The following DSCAM variants were observed in gnomAD, a reference collection of about 807,000 sequenced individuals.
DSCAM encodes DS cell adhesion molecule, also known as cell adhesion molecule DSCAM.
Under a neutral mutation model 217.7 loss-of-function variants are expected in DSCAM, and 47 were observed. The ratio of observed to expected loss-of-function variants is 0.22; its 90% CI spans 0.17 to 0.28. DSCAM has a LOEUF of 0.28. DSCAM is among the 10% of genes least tolerant of loss of function. DSCAM has a pLI of 1.00. For missense variants in DSCAM, 2,080 were observed against 2,618.3 expected (o/e 0.79, Z 4.49); for synonymous variants, 1,056 against 1,015.3 (o/e 1.04, Z -0.76).
At chr21:40,702,094 T>C (rs957801478) in intron 2 of DSCAM, among the ~76,000 whole-genome samples, 7 of 152,202 alleles carry the variant, frequency 4.6e-5, no homozygotes, top group African/African-American at 1.4e-4. Flanking sequence ...TTTTACTTTA[T>C]GTATTTTGAA....
At chr21:40,591,197 T>A (rs994071643) in intron 3 of DSCAM, among the ~76,000 whole-genome samples, 2 of 152,238 alleles carry the variant, frequency 1.3e-5, no homozygotes, top group Non-Finnish European at 2.9e-5. Flanking sequence ...CCTTCCATCA[T>A]GATTGTAAGT....
chr21:40,777,857 G>A (rs2091502453), intron 1 of DSCAM, among the ~76,000 whole-genome samples: 1 of 151,996 alleles, frequency 6.6e-6, no homozygotes, highest in African/African-American at 2.4e-5. Flanking sequence ...CAAAATTACA[G>A]AACATCAAAA....
intron 4 of DSCAM, among the ~76,000 whole-genome samples, chr21:40,363,979 T>C (rs9753960): frequency 0.012 from 1,880 of 152,238 alleles, 41 homozygotes; most frequent in African/African-American, 0.043. Context: ...CACAATGAGA[T>C]ACCATCTTAC....
At chr21:40,366,185 C>G (rs895732155) in intron 4 of DSCAM, among the ~76,000 whole-genome samples, 1 of 152,042 alleles carries the variant, frequency 6.6e-6, no homozygotes, top group Non-Finnish European at 1.5e-5. Flanking sequence ...ATTATGCATT[C>G]TTTTTAATGA....
In DSCAM at chr21:40,349,136, C is replaced by CAAAAAAAAAAAAAAAAAAAAAAAAA. The variant is rs758386936; in HGVS notation, c.935-1192_935-1191insTTTTTTTTTTTTTTTTTTTTTTTTT. Reference sequence around the variant, plus strand: ...TGGGGGACAGAGTGAGACTCCATCTCAAAAAAAAAAAAAAAAAAAGAAATG... The same window carrying CAAAAAAAAAAAAAAAAAAAAAAAAA: ...TGGGGGACAGAGTGAGACTCCATCTCAAAAAAAAAAAAAAAAAAAAAAAAAAAAAAAAAAAAAAAAAAAAGAAATG... On this transcript the variant is annotated intron_variant, in intron 5 of 32. Transcript: ENST00000400454. 4.4e-3 allele frequency among the ~76,000 whole-genome samples: 171 copies of CAAAAAAAAAAAAAAAAAAAAAAAAA among 38,664 alleles called. 19 individuals are homozygous for CAAAAAAAAAAAAAAAAAAAAAAAAA. Among genetic ancestry groups the CAAAAAAAAAAAAAAAAAAAAAAAAA allele is most frequent in the Non-Finnish European group, 6.2e-3 (128 of 20,722 alleles). The allele number at this position is 38,664 out of a possible 152,430, so 25.4% of individuals were successfully genotyped here. A position where few individuals can be genotyped will look rare whatever the true frequency, so the allele number is the denominator to read the frequency against.
chr21:40,467,804 T>C (rs1173503110), intron 3 of DSCAM, among the ~76,000 whole-genome samples: 1 of 151,996 alleles, frequency 6.6e-6, no homozygotes, highest in African/African-American at 2.4e-5. Flanking sequence ...TCATCAATTA[T>C]GTGAGGGGAA....
chr21:40,409,687 A>C (rs540406414), intron 3 of DSCAM, among the ~76,000 whole-genome samples: 1 of 152,354 alleles, frequency 6.6e-6, no homozygotes, highest in Non-Finnish European at 1.5e-5. Flanking sequence ...AGTCAGTGAA[A>C]GTATGTCTGA....
intron 4 of DSCAM, among the ~76,000 whole-genome samples, chr21:40,364,707 T>TATATATAC (rs1555909928): frequency 3.3e-5 from 4 of 119,670 alleles, no homozygotes; most frequent in African/African-American, 1.2e-4. Context: ...TATATATATA[T>TATATATAC]ACACACACAG....
At chr21:40,519,475 C>G (rs1235539411) in intron 3 of DSCAM, among the ~76,000 whole-genome samples, 2 of 152,118 alleles carry the variant, frequency 1.3e-5, no homozygotes, top group African/African-American at 4.8e-5. Context: ...TTAAAAGACA[C>G]CTGAGAGAGA....
intron 2 of DSCAM, among the ~76,000 whole-genome samples, chr21:40,704,120 C>A (rs1442954754): frequency 6.6e-6 from 1 of 152,094 alleles, no homozygotes; most frequent in Non-Finnish European, 1.5e-5. Context: ...CAGGTATCAC[C>A]ATTACAGTAT....
intron 3 of DSCAM, among the ~76,000 whole-genome samples, chr21:40,415,830 T>C (rs1356727724): frequency 1.3e-5 from 2 of 152,080 alleles, no homozygotes; most frequent in African/African-American, 4.8e-5. Context: ...GCAATCCCTA[T>C]ACACACCTTC....
intron 3 of DSCAM, among the ~76,000 whole-genome samples, chr21:40,589,860 T>C (rs1409237838): frequency 6.6e-6 from 1 of 152,200 alleles, no homozygotes; most frequent in East Asian, 1.9e-4. Flanking sequence ...TCTGGTAGCT[T>C]ATGTCTGGAT....
chr21:40,745,801 T>G lies in DSCAM; in HGVS notation c.44-37030A>C, dbSNP rs961580018. Among the ~76,000 whole-genome samples the G allele has an allele frequency of 8.5e-5, 13 of 152,162 alleles. 1 individual carries two copies. Among genetic ancestry groups the G allele is most frequent in the African/African-American group, 3.1e-4 (13 of 41,458 alleles). On this transcript the variant is annotated intron_variant, in intron 1 of 32. Transcript: ENST00000400454. ...TGTGGAACGTAAACCACTTGGATCT[T>G]AAGTATGAAGACTAAAGAAACAATT...
At chr21:40,284,677 G>A (rs987422056) in intron 10 of DSCAM, among the ~76,000 whole-genome samples, 6 of 152,150 alleles carry the variant, frequency 3.9e-5, no homozygotes, top group East Asian at 1.9e-4. Flanking sequence ...TAGCAGTGAC[G>A]GGAGAAGCAT....
chr21:40,103,448 T>C (rs1192907462), intron 20 of DSCAM, among the ~76,000 whole-genome samples: 1 of 152,186 alleles, frequency 6.6e-6, no homozygotes, highest in Admixed American at 6.5e-5. Context: ...CTGGATTCCA[T>C]TAAGAATTAG....
At chr21:40,582,063 T>G (rs1213119207) in intron 3 of DSCAM, among the ~76,000 whole-genome samples, 1 of 152,224 alleles carries the variant, frequency 6.6e-6, no homozygotes, top group East Asian at 1.9e-4. Flanking sequence ...AATGTCATTC[T>G]GCAGTTTAGG....
At chr21:40,455,800 C>T (rs576605100) in intron 3 of DSCAM, among the ~76,000 whole-genome samples, 1 of 151,764 alleles carries the variant, frequency 6.6e-6, no homozygotes, top group South Asian at 2.1e-4. Context: ...AAAAAAACGA[C>T]ATGGATGATA....
chr21:40,226,052 C>G (rs1244689300), intron 11 of DSCAM, among the ~76,000 whole-genome samples: 1 of 152,184 alleles, frequency 6.6e-6, no homozygotes, highest in Admixed American at 6.5e-5. Flanking sequence ...AACTCTTGCA[C>G]GTCCACTTAT....
At chr21:40,375,085 AT>A (rs976996319) in intron 3 of DSCAM, among the ~76,000 whole-genome samples, 17 of 152,216 alleles carry the variant, frequency 1.1e-4, no homozygotes, top group African/African-American at 1.7e-4. Context: ...TATAAAAAAA[AT>A]ATCCTGAAGT....
Sources: allele counts gnomAD v4.1 joint callset (sites outside exome capture counted in the v4.1 genomes callset), GRCh38; gene constraint gnomAD v4.1.1; transcripts MANE v1.5; gene names NCBI Gene and HGNC (gene_info 2026-07-23, HGNC 2026-07-21).